The following ITGA9 variants were observed in gnomAD, a reference collection of about 807,000 sequenced individuals.
ITGA9 encodes integrin alpha-9.
A neutral mutation model predicts 127.8 loss-of-function variants in ITGA9; 56 were observed. That is an observed-to-expected ratio of 0.44 (90% confidence interval 0.35 to 0.55). ITGA9 has a LOEUF of 0.55. ITGA9 is among the 20% of genes least tolerant of loss of function. ITGA9 has a pLI of 0.00. For synonymous variants in ITGA9, 508 were observed against 514.5 expected (o/e 0.99, Z 0.17); for missense variants, 1,196 against 1,347.1 (o/e 0.89, Z 1.76).
At chr3:37,748,975 T>C in intron 22 of ITGA9, 2 of 516,440 alleles carry the variant, frequency 3.9e-6, no homozygotes, top group East Asian at 3.2e-5. Flanking sequence ...CCTTAACCCA[T>C]TGACATAGCT....
chr3:37,509,697 G>A (rs950980470), intron 8 of ITGA9, among the ~76,000 whole-genome samples: 2 of 152,090 alleles, frequency 1.3e-5, no homozygotes, highest in African/African-American at 4.8e-5. Context: ...TTTTTCCTCA[G>A]AATGGCTCTG....
rs1024363405 is a variant in ITGA9 at position 37,810,768 on chromosome 3, A to G, written c.3009+6826A>G. On this transcript the variant is annotated intron_variant, in intron 27 of 27. Transcript: ENST00000264741. ...GAAGACCTTTAGGAAAATCAGCTTC[A>G]GCAAAGCCCTGAAGGTGAGCAGGAC... is the stretch of plus-strand genomic sequence containing the variant. Among the ~76,000 whole-genome samples the G allele has an allele frequency of 2.6e-5, 4 of 152,254 alleles. No individual in the cohort carries two copies. The East Asian group carries it at 7.7e-4, about 29-fold the overall frequency.
intron 15 of ITGA9, among the ~76,000 whole-genome samples, chr3:37,599,119 A>T (rs533637710): frequency 2.0e-4 from 31 of 152,362 alleles, no homozygotes; most frequent in Admixed American, 9.1e-4. Flanking sequence ...TTCCCTGAGC[A>T]ACAGAAGTGC....
intron 11 of ITGA9, among the ~76,000 whole-genome samples, chr3:37,522,015 CA>C (rs1362479180): frequency 6.6e-6 from 1 of 152,054 alleles, no homozygotes; most frequent in Non-Finnish European, 1.5e-5. Context: ...TGCTGGGGGT[CA>C]GGGGGCATCT....
chr3:37,597,497 A>C lies in ITGA9; in HGVS notation c.1690-31690A>C, dbSNP rs1011940653. Among the ~76,000 whole-genome samples, 8 of 152,192 alleles carry C rather than the reference A, an allele frequency of 5.3e-5. No homozygotes were observed. Among genetic ancestry groups the C allele is most frequent in the African/African-American group, 1.9e-4 (8 of 41,454 alleles). ...CTGCAGAAAAGGCAGGATACGAGGT[A>C]GAACTCCCACAGTTTCCTCATCTCT... On this transcript the variant is annotated intron_variant, in intron 15 of 27. Coordinates refer to ENST00000264741, the MANE Select transcript of ITGA9 (RefSeq NM_002207.3). This position sits in a 1 kb window ranked among gnomAD's most constrained non-coding sequence, Gnocchi z 4.6.
At chr3:37,490,966 T>TTCCCCCCC (rs1698664367) in intron 4 of ITGA9, among the ~76,000 whole-genome samples, 1 of 108,718 alleles carries the variant, frequency 9.2e-6, no homozygotes, top group African/African-American at 3.4e-5. Flanking sequence ...AGATTTGGCT[T>TTCCCCCCC]CCCCCCCGCT....
intron 18 of ITGA9, among the ~76,000 whole-genome samples, chr3:37,697,770 A>G (rs9839756): frequency 0.1 from 15,812 of 152,150 alleles, 1,461 homozygotes; most frequent in African/African-American, 0.25. Context: ...AGTTTTTGCT[A>G]TTGGAAATAG....
intron 16 of ITGA9, among the ~76,000 whole-genome samples, chr3:37,634,493 A>G (rs1221039310): frequency 6.6e-6 from 1 of 152,218 alleles, no homozygotes; most frequent in Non-Finnish European, 1.5e-5. Flanking sequence ...CAAAAACTGT[A>G]AAAACAGACG....
chr3:37,676,471 G>A (rs1197701319), intron 17 of ITGA9, among the ~76,000 whole-genome samples: 1 of 152,186 alleles, frequency 6.6e-6, no homozygotes, highest in Non-Finnish European at 1.5e-5. Context: ...ATTGAGGGTT[G>A]CTGCAGAGCA....
intron 18 of ITGA9, among the ~76,000 whole-genome samples, chr3:37,728,342 C>T (rs1455245333): frequency 6.6e-6 from 1 of 152,222 alleles, no homozygotes; most frequent in Non-Finnish European, 1.5e-5. Context: ...TTAGCCATAT[C>T]TCCCCAAAAT....
Position 37,512,113 on chromosome 3 carries a change from CTTCCTTCTTTCTT to C in ITGA9, c.898-1646_898-1634del, listed in dbSNP as rs1698927692. On this transcript the variant is annotated intron_variant, in intron 8 of 27. Coordinates refer to ENST00000264741, the MANE Select transcript of ITGA9 (RefSeq NM_002207.3). The stretch of plus-strand genomic sequence containing the variant: ...CCTTCCTTCCTTCCTTCCTTCCTTC[CTTCCTTCTTTCTT>C]TTCTTTTCTTTTCTTTTCTTTTCTT... Among the ~76,000 whole-genome samples the C allele has an allele frequency of 5.3e-5, 4 of 75,560 alleles. 1 individual carries two copies. The highest frequency in any genetic ancestry group is 1.8e-4 in the African/African-American group (3 of 17,010). The allele number at this position is 75,560 out of a possible 152,430, so 49.6% of individuals were successfully genotyped here.
chr3:37,793,650 A>T (rs1377899061), intron 26 of ITGA9, among the ~76,000 whole-genome samples: 1 of 152,138 alleles, frequency 6.6e-6, no homozygotes, highest in Non-Finnish European at 1.5e-5. Flanking sequence ...TGAGGGCATC[A>T]TGTAAGCAGT....
At chr3:37,686,346 C>T (rs1227380867) in intron 18 of ITGA9, among the ~76,000 whole-genome samples, 1 of 152,108 alleles carries the variant, frequency 6.6e-6, no homozygotes, top group Non-Finnish European at 1.5e-5. Flanking sequence ...TGGGGAAGCC[C>T]TGGAGCATAA....
intron 17 of ITGA9, among the ~76,000 whole-genome samples, chr3:37,682,251 C>A (rs1700741182): frequency 2.6e-5 from 4 of 152,230 alleles, no homozygotes; most frequent in African/African-American, 9.6e-5. Context: ...CTGAAACTCT[C>A]TCCAGTTAGG....
chr3:37,474,809 A>T (rs549015567), intron 3 of ITGA9, among the ~76,000 whole-genome samples: 104 of 152,318 alleles, frequency 6.8e-4, no homozygotes, highest in Non-Finnish European at 1.4e-3. Context: ...TGTGTATTTT[A>T]TCCCAGGGAA....
At position 37,812,944 on chromosome 3, in the gene ITGA9, A is replaced by G. The variant is rs575602913; in HGVS notation, c.3010-5947A>G. ...TTCAGGGTGGGCTCAGCTGGCAACA[A>G]AAACAGAGATTTGCCCAGTGTTTCT... is the stretch of plus-strand genomic sequence containing the variant. On this transcript the variant is annotated intron_variant, in intron 27 of 27. Coordinates refer to ENST00000264741, the MANE Select transcript of ITGA9 (RefSeq NM_002207.3). Among the ~76,000 whole-genome samples the G allele has an allele frequency of 8.3e-4, 126 of 152,370 alleles. 3 individuals carry two copies. In the South Asian group the frequency reaches 0.019, roughly 23 times the overall value.
At chr3:37,633,020 G>A (rs913753006) in intron 16 of ITGA9, among the ~76,000 whole-genome samples, 2 of 152,182 alleles carry the variant, frequency 1.3e-5, no homozygotes, top group African/African-American at 4.8e-5. Flanking sequence ...GGAGCAAGAT[G>A]TGGGATACAA....
At chr3:37,491,898 ATAG>A (rs1432221113) in intron 4 of ITGA9, among the ~76,000 whole-genome samples, 9 of 152,208 alleles carry the variant, frequency 5.9e-5, no homozygotes, top group Non-Finnish European at 1.2e-4. Flanking sequence ...GGTTAAAATA[ATAG>A]TAGTGCCCTT....
chr3:37,722,228 C>T (rs1195382508), intron 18 of ITGA9, among the ~76,000 whole-genome samples: 3 of 152,184 alleles, frequency 2.0e-5, no homozygotes, highest in African/African-American at 7.2e-5. Flanking sequence ...AGGGCCTTCC[C>T]TCCACCTATA....
Sources: allele counts gnomAD v4.1 joint callset (sites outside exome capture counted in the v4.1 genomes callset), GRCh38; gene constraint gnomAD v4.1.1; non-coding constraint Gnocchi (gnomAD v3.1); transcripts MANE v1.5; gene names NCBI Gene and HGNC (gene_info 2026-07-23, HGNC 2026-07-21).